Variants in PELI2 observed in about 807,000 individuals in gnomAD.
PELI2 encodes the protein E3 ubiquitin-protein ligase pellino homolog 2.
In PELI2, 23 loss-of-function variants were observed where a neutral mutation model predicts 42.3. That is an observed-to-expected ratio of 0.54 (90% CI 0.39 to 0.77). The LOEUF (loss-of-function observed/expected upper bound fraction) is 0.77, where lower values mean the gene tolerates loss of function less well. Ranked by LOEUF, PELI2 falls within the 30% of genes least tolerant of loss-of-function variation. The pLI is 0.00. For missense variants in PELI2, 463 were observed against 553.2 expected (o/e 0.84, Z 1.64); for synonymous variants, 245 against 212.2 (o/e 1.15, Z -1.34).
chr14:56,232,991 A>G (rs1184958501), intron 2 of PELI2, among the ~76,000 whole-genome samples: 2 of 152,170 alleles, frequency 1.3e-5, no homozygotes, highest in Non-Finnish European at 2.9e-5. Flanking sequence ...TCATGAGTGA[A>G]GTCCCATTCA....
intron 2 of PELI2, among the ~76,000 whole-genome samples, chr14:56,255,238 A>G (rs1230697325): frequency 6.6e-6 from 1 of 152,232 alleles, no homozygotes; most frequent in African/African-American, 2.4e-5. Context: ...AACCAACCCA[A>G]ATGCCCATCA....
chr14:56,119,196 C>T (rs564521682), intron 1 of PELI2: 27 of 152,032 alleles, frequency 1.8e-4, no homozygotes, highest in African/African-American at 6.3e-4. Context: ...CTTCCCACCT[C>T]CCTCGCGGAC....
chr14:56,263,583 T>G (rs1888799089), intron 2 of PELI2, among the ~76,000 whole-genome samples: 1 of 152,162 alleles, frequency 6.6e-6, no homozygotes, highest in Non-Finnish European at 1.5e-5. Context: ...AGAGGTTCTG[T>G]AAGCATGCTA....
intron 2 of PELI2, among the ~76,000 whole-genome samples, chr14:56,220,318 G>A (rs1179696799): frequency 2.0e-5 from 3 of 152,120 alleles, no homozygotes; most frequent in Admixed American, 6.5e-5. Flanking sequence ...ACTGTTTGAC[G>A]CACAGATGAC....
chr14:56,288,433 T>G lies in PELI2; in HGVS notation c.310-4T>G, dbSNP rs1286997853. The G allele has an allele frequency of 6.2e-7, 1 of 1,611,766 alleles. No homozygotes were observed. ...TGAATCACGAGTACATTTGATTTAC[T>G]TAGGTGGGCAGATCAACAGAAAGCC... On this transcript the variant is annotated splice_polypyrimidine_tract_variant and splice_region_variant and intron_variant, in intron 3 of 5. Coordinates refer to ENST00000267460, the MANE Select transcript of PELI2 (RefSeq NM_021255.3). The surrounding 1 kb of genome is among the most constrained non-coding windows in gnomAD (Gnocchi z 4.6).
At chr14:56,252,482 G>A (rs1888381267) in intron 2 of PELI2, among the ~76,000 whole-genome samples, 1 of 152,212 alleles carries the variant, frequency 6.6e-6, no homozygotes. Context: ...TGTAAGATGA[G>A]TGTTGGTGAA....
chr14:56,162,865 T>C (rs1446988536), intron 1 of PELI2, among the ~76,000 whole-genome samples: 1 of 152,218 alleles, frequency 6.6e-6, no homozygotes, highest in African/African-American at 2.4e-5. Context: ...TGATCAGTTA[T>C]GTTGAGCACC....
chr14:56,136,415 C>A (rs1444399096), intron 1 of PELI2, among the ~76,000 whole-genome samples: 1 of 152,156 alleles, frequency 6.6e-6, no homozygotes, highest in Non-Finnish European at 1.5e-5. Context: ...TTTAAACTGG[C>A]ATTTCCTTGT....
intron 2 of PELI2, among the ~76,000 whole-genome samples, chr14:56,269,547 G>A (rs1414656120): frequency 6.6e-6 from 1 of 152,118 alleles, no homozygotes; most frequent in Non-Finnish European, 1.5e-5. Flanking sequence ...CACTTATTTA[G>A]CAATTTGTCA....
At chr14:56,165,951 C>G (rs892959371) in intron 1 of PELI2, among the ~76,000 whole-genome samples, 2 of 152,096 alleles carry the variant, frequency 1.3e-5, no homozygotes, top group Non-Finnish European at 2.9e-5. Context: ...TGGGTCAGAT[C>G]AATGGGTCTT....
At chr14:56,233,468 G>T (rs1887662871) in intron 2 of PELI2, among the ~76,000 whole-genome samples, 1 of 152,122 alleles carries the variant, frequency 6.6e-6, no homozygotes, top group Admixed American at 6.5e-5. Flanking sequence ...ACAACCATCT[G>T]ATCTTTGACA....
rs1889841173 is a variant in PELI2, at chr14:56,291,828, G to A, written c.696+1372G>A. 3.3e-5 allele frequency among the ~76,000 whole-genome samples: 5 copies of A among 152,242 alleles called. No homozygotes were observed. The South Asian group carries it at 1.0e-3, about 31-fold the overall frequency. ...ATGGATGAGGAAGATGTGGCGTGAAGTTAAAGATTGCCCAGTGTCACAGAG... is the reference window on the plus strand; with the variant it reads ...ATGGATGAGGAAGATGTGGCGTGAAATTAAAGATTGCCCAGTGTCACAGAG... On this transcript the variant is annotated intron_variant, in intron 5 of 5. Coordinates refer to ENST00000267460, the MANE Select transcript of PELI2 (RefSeq NM_021255.3).
At chr14:56,121,251 T>TTTA (rs1268083865) in intron 1 of PELI2, among the ~76,000 whole-genome samples, 2 of 151,932 alleles carry the variant, frequency 1.3e-5, no homozygotes, top group African/African-American at 4.8e-5. Flanking sequence ...TTTTTTTTTT[T>TTTA]AATGGTTATG....
At chr14:56,187,666 T>A (rs1885815693) in intron 2 of PELI2, among the ~76,000 whole-genome samples, 1 of 152,226 alleles carries the variant, frequency 6.6e-6, no homozygotes, top group South Asian at 2.1e-4. Flanking sequence ...TACTTTATCC[T>A]CTTTGAAGTC....
chr14:56,203,597 G>A (rs1886414905), intron 2 of PELI2, among the ~76,000 whole-genome samples: 1 of 152,080 alleles, frequency 6.6e-6, no homozygotes, highest in Non-Finnish European at 1.5e-5. Flanking sequence ...TAAAAATGCA[G>A]TGAAACAATG....
intron 1 of PELI2, among the ~76,000 whole-genome samples, chr14:56,142,410 C>G (rs1010787512): frequency 1.3e-5 from 2 of 152,086 alleles, no homozygotes; most frequent in African/African-American, 4.8e-5. Context: ...GAATTTAATA[C>G]TTAGAAGTGG....
At chr14:56,130,225 G>A (rs139305199) in intron 1 of PELI2, among the ~76,000 whole-genome samples, 2 of 152,122 alleles carry the variant, frequency 1.3e-5, no homozygotes, top group Admixed American at 1.3e-4. Flanking sequence ...TGGGTTCTTT[G>A]TAAAGTGCTA....
chr14:56,137,798 C>T (rs564972758), intron 1 of PELI2, among the ~76,000 whole-genome samples: 2 of 152,172 alleles, frequency 1.3e-5, no homozygotes, highest in African/African-American at 2.4e-5. Flanking sequence ...AAACATTGAT[C>T]GTTGCAGAGA....
At chr14:56,246,853 A>C (rs937048641) in intron 2 of PELI2, among the ~76,000 whole-genome samples, 3 of 152,188 alleles carry the variant, frequency 2.0e-5, no homozygotes, top group Non-Finnish European at 4.4e-5. Flanking sequence ...CATACTTACT[A>C]TCTTGGCCAC....
Sources: gnomAD v4.1 joint callset for allele counts (sites outside exome capture counted in the v4.1 genomes callset) on GRCh38, gnomAD v4.1.1 for gene constraint, Gnocchi (gnomAD v3.1) non-coding constraint, MANE v1.5 for transcripts, NCBI Gene and HGNC (gene_info 2026-07-23, HGNC 2026-07-21) for gene names.